The following CCDC171 variants were observed in gnomAD, a reference collection of about 807,000 sequenced individuals.
CCDC171 encodes the protein coiled-coil domain containing 171, also known as coiled-coil domain-containing protein 171.
CCDC171 carries 177 observed loss-of-function variants against 168.2 expected under a neutral mutation model. The ratio of observed to expected loss-of-function variants is 1.05; its 90% CI spans 0.93 to 1.19. CCDC171 has a LOEUF of 1.19. Among genes scored for constraint, CCDC171 ranks in the 50% most tolerant of loss-of-function variants. The pLI is 0.00. For missense variants in CCDC171, 1,991 were observed against 1,539.0 expected (o/e 1.29, Z -4.91); for synonymous variants, 687 against 540.8 (o/e 1.27, Z -3.75).
At chr9:15,916,299 A>G (rs1027027105) in intron 24 of CCDC171, among the ~76,000 whole-genome samples, 1 of 151,916 alleles carries the variant, frequency 6.6e-6, no homozygotes, top group Non-Finnish European at 1.5e-5. Flanking sequence ...ATTAATACTC[A>G]TTTAATTTCT....
chr9:15,661,133 A>T (rs1050138435), intron 8 of CCDC171, among the ~76,000 whole-genome samples: 8 of 152,134 alleles, frequency 5.3e-5, no homozygotes, highest in African/African-American at 1.9e-4. Flanking sequence ...ACAAAAAATT[A>T]GCCGGGCGTC....
chr9:15,870,291 A>G (rs547596722), intron 23 of CCDC171, among the ~76,000 whole-genome samples: 1 of 151,858 alleles, frequency 6.6e-6, no homozygotes, highest in South Asian at 2.1e-4. Context: ...AGGAAGTACA[A>G]GGGAGGGAGT....
chr9:15,768,342 T>A (rs1003349917), intron 18 of CCDC171, among the ~76,000 whole-genome samples: 1 of 152,202 alleles, frequency 6.6e-6, no homozygotes, highest in African/African-American at 2.4e-5. Context: ...TGTAACATAC[T>A]TTTATTCTTA....
intron 21 of CCDC171, among the ~76,000 whole-genome samples, chr9:15,837,428 T>C (rs148207853): frequency 0.013 from 1,935 of 152,346 alleles, 49 homozygotes; most frequent in African/African-American, 0.044. Context: ...TATATATTCA[T>C]GTACATATAT....
chr9:15,865,523 C>T (rs1024405054), intron 23 of CCDC171, among the ~76,000 whole-genome samples: 1 of 151,934 alleles, frequency 6.6e-6, no homozygotes, highest in Non-Finnish European at 1.5e-5. Context: ...CTTCCTTCTC[C>T]TCCTCAGCCT....
intron 23 of CCDC171, among the ~76,000 whole-genome samples, chr9:15,865,507 C>T (rs1459619311): frequency 6.6e-6 from 1 of 151,842 alleles, no homozygotes; most frequent in Non-Finnish European, 1.5e-5. Context: ...AAGACCAACC[C>T]CTCCTCTTCC....
chr9:15,555,021 G>A (rs2038673199), intron 1 of CCDC171, among the ~76,000 whole-genome samples: 1 of 152,228 alleles, frequency 6.6e-6, no homozygotes, highest in Middle Eastern at 3.4e-3. Flanking sequence ...TGAAAGATGA[G>A]TGCATTTGGG....
chr9:15,593,597 C>G (rs949304925), intron 5 of CCDC171, among the ~76,000 whole-genome samples: 1 of 151,906 alleles, frequency 6.6e-6, no homozygotes, highest in Admixed American at 6.6e-5. Flanking sequence ...TATAAATTAT[C>G]AGGGATAATC....
intron 24 of CCDC171, among the ~76,000 whole-genome samples, chr9:15,919,033 G>A (rs1320761501): frequency 6.6e-6 from 1 of 151,622 alleles, no homozygotes; most frequent in Non-Finnish European, 1.5e-5. Flanking sequence ...GTCTAGTAAA[G>A]AAGATAAACA....
chr9:15,813,018 G>C (rs907620586), intron 21 of CCDC171, among the ~76,000 whole-genome samples: 1 of 152,150 alleles, frequency 6.6e-6, no homozygotes, highest in Non-Finnish European at 1.5e-5. Flanking sequence ...GTCCTCTTTG[G>C]GGAGAGAGTG....
chr9:15,834,415 A>C (rs1173444619), intron 21 of CCDC171, among the ~76,000 whole-genome samples: 1 of 152,210 alleles, frequency 6.6e-6, no homozygotes, highest in Admixed American at 6.5e-5. Flanking sequence ...CTGTTTATAG[A>C]AAACATTTAA....
chr9:15,813,013 C>G (rs150822188), intron 21 of CCDC171, among the ~76,000 whole-genome samples: 21 of 152,264 alleles, frequency 1.4e-4, no homozygotes, highest in African/African-American at 5.1e-4. Context: ...AGGTTGTCCT[C>G]TTTGGGGAGA....
intron 6 of CCDC171, among the ~76,000 whole-genome samples, chr9:15,601,621 C>T (rs989534764): frequency 2.2e-4 from 33 of 152,084 alleles, no homozygotes; most frequent in Non-Finnish European, 3.1e-4. Context: ...GATATTTCAG[C>T]GCAGAGACAT....
intron 24 of CCDC171, among the ~76,000 whole-genome samples, chr9:15,891,082 AT>A (rs1334270458): frequency 6.6e-6 from 1 of 152,202 alleles, no homozygotes; most frequent in Non-Finnish European, 1.5e-5. Context: ...AATTCTTATA[AT>A]TCTAGCTAAA....
chr9:15,791,034 G>A (rs1042374387), intron 21 of CCDC171, among the ~76,000 whole-genome samples: 1 of 152,160 alleles, frequency 6.6e-6, no homozygotes, highest in African/African-American at 2.4e-5. Flanking sequence ...GTAGCGTGAT[G>A]CCTCCAGCTT....
At chr9:16,085,765 A>G in the CCDC171 span, among the ~76,000 whole-genome samples, 2 of 152,234 alleles carry the variant, frequency 1.3e-5, no homozygotes, top group Non-Finnish European at 2.9e-5. Context: ...ACTGCATGCA[A>G]TAAACACTTA....
chr9:15,730,288 T>C (rs1012039434), intron 16 of CCDC171, among the ~76,000 whole-genome samples: 13 of 149,496 alleles, frequency 8.7e-5, no homozygotes, highest in African/African-American at 1.3e-4. Flanking sequence ...GTTATAGTTG[T>C]AGGCCATGTA....
At chr9:15,598,138 C>T (rs1001686995) in intron 6 of CCDC171, among the ~76,000 whole-genome samples, 2 of 152,060 alleles carry the variant, frequency 1.3e-5, no homozygotes, top group African/African-American at 2.4e-5. Context: ...TTTTTTGTGT[C>T]TCTATTTCCT....
chr9:15,608,977 G>T (rs1446865120), intron 6 of CCDC171, among the ~76,000 whole-genome samples: 2 of 119,598 alleles, frequency 1.7e-5, no homozygotes, highest in Admixed American at 9.0e-5. Flanking sequence ...AAAAAAGAGT[G>T]GTTTTTTTTT....
Sources: allele counts gnomAD v4.1 joint callset (sites outside exome capture counted in the v4.1 genomes callset), GRCh38; gene constraint gnomAD v4.1.1; transcripts MANE v1.5; gene names NCBI Gene and HGNC (gene_info 2026-07-23, HGNC 2026-07-21).